Variants in CACNA2D3 observed in about 807,000 individuals in gnomAD.
CACNA2D3 encodes the protein calcium voltage-gated channel auxiliary subunit alpha2delta 3.
A neutral mutation model predicts 160.6 loss-of-function variants in CACNA2D3; 60 were observed. That is an observed-to-expected ratio of 0.37 (90% CI 0.30 to 0.46). The LOEUF (loss-of-function observed/expected upper bound fraction) is 0.46, where lower values mean the gene tolerates loss of function less well. CACNA2D3 is among the 20% of genes least tolerant of loss of function. The probability of loss-of-function intolerance (pLI) is 1.00; values close to 1 mark genes in which losing one functional copy is unlikely to be tolerated. For missense variants in CACNA2D3, 1,205 were observed against 1,365.0 expected (o/e 0.88, Z 1.85); for synonymous variants, 558 against 492.9 (o/e 1.13, Z -1.75).
chr3:54,230,867 G>A (rs1051140021), intron 2 of CACNA2D3, among the ~76,000 whole-genome samples: 1 of 152,124 alleles, frequency 6.6e-6, no homozygotes, highest in African/African-American at 2.4e-5. Flanking sequence ...CTGCTTAATA[G>A]GACAAAATAC....
intron 29 of CACNA2D3, among the ~76,000 whole-genome samples, chr3:54,981,127 A>C (rs895469913): frequency 5.9e-5 from 9 of 152,360 alleles, no homozygotes; most frequent in Admixed American, 5.9e-4. Flanking sequence ...GCACAGTCAC[A>C]TGGTTACAAG....
At chr3:54,227,106 A>G (rs532757201) in intron 2 of CACNA2D3, among the ~76,000 whole-genome samples, 1 of 152,336 alleles carries the variant, frequency 6.6e-6, no homozygotes, top group African/African-American at 2.4e-5. Flanking sequence ...ATGGCAGAAC[A>G]TGTTGATACG....
At chr3:54,404,720 A>G (rs1039885707) in intron 4 of CACNA2D3, among the ~76,000 whole-genome samples, 1 of 152,130 alleles carries the variant, frequency 6.6e-6, no homozygotes, top group East Asian at 1.9e-4. Flanking sequence ...ATGATCCTTT[A>G]TGTAGAAAAC....
chr3:54,733,623 G>C (rs1701436469), intron 11 of CACNA2D3, among the ~76,000 whole-genome samples: 1 of 152,170 alleles, frequency 6.6e-6, no homozygotes, highest in Admixed American at 6.5e-5. Context: ...TCAGGTAACA[G>C]TTGTAGCTAA....
At chr3:54,869,187 CAGTGGTTGAA>C (rs1553896631) in intron 17 of CACNA2D3, among the ~76,000 whole-genome samples, 2 of 152,200 alleles carry the variant, frequency 1.3e-5, no homozygotes, top group Non-Finnish European at 2.9e-5. Flanking sequence ...AGCTCTTTAA[CAGTGGTTGAA>C]ATAACATGAG....
chr3:54,729,168 G>A (rs570938285), intron 11 of CACNA2D3, among the ~76,000 whole-genome samples: 5 of 151,874 alleles, frequency 3.3e-5, no homozygotes, highest in Admixed American at 6.6e-5. Flanking sequence ...TGATCCACCC[G>A]CCTCGGCCTC....
chr3:54,772,008 G>A (rs1702330999), intron 13 of CACNA2D3, among the ~76,000 whole-genome samples: 1 of 151,908 alleles, frequency 6.6e-6, no homozygotes, highest in Non-Finnish European at 1.5e-5. Context: ...TAGCACTGAT[G>A]TTTCCCAGAG....
chr3:54,516,540 C>T (rs929169134), intron 5 of CACNA2D3, among the ~76,000 whole-genome samples: 1 of 152,168 alleles, frequency 6.6e-6, no homozygotes, highest in African/African-American at 2.4e-5. Context: ...CACACTGGTA[C>T]TTTATCATCT....
chr3:55,009,917 C>A (rs1033987412), intron 34 of CACNA2D3, among the ~76,000 whole-genome samples: 2 of 152,108 alleles, frequency 1.3e-5, no homozygotes, highest in African/African-American at 4.8e-5. Flanking sequence ...CTCTTGGAGG[C>A]ATGGGTTGTG....
chr3:54,630,397 A>G (rs1699209580), intron 10 of CACNA2D3, among the ~76,000 whole-genome samples: 1 of 152,060 alleles, frequency 6.6e-6, no homozygotes, highest in African/African-American at 2.4e-5. Context: ...AGACCCTCCT[A>G]AGACACTATT....
At chr3:54,703,813 T>A (rs1179217159) in intron 11 of CACNA2D3, among the ~76,000 whole-genome samples, 1 of 152,188 alleles carries the variant, frequency 6.6e-6, no homozygotes, top group Admixed American at 6.6e-5. Context: ...GATGGTTAGA[T>A]AATGAAACAA....
At chr3:54,180,548 A>C in intron 2 of CACNA2D3, among the ~76,000 whole-genome samples, 1 of 152,202 alleles carries the variant, frequency 6.6e-6, no homozygotes, top group East Asian at 1.9e-4. Context: ...GACTTCCCTT[A>C]GTCCAAGGAG....
intron 9 of CACNA2D3, among the ~76,000 whole-genome samples, chr3:54,604,768 C>A (rs1703134407): frequency 6.6e-6 from 1 of 152,170 alleles, no homozygotes; most frequent in South Asian, 2.1e-4. Context: ...CCCACTTGAT[C>A]CCCAGCATCC....
intron 11 of CACNA2D3, among the ~76,000 whole-genome samples, chr3:54,661,994 T>C (rs1347904442): frequency 6.6e-6 from 1 of 152,138 alleles, no homozygotes; most frequent in Non-Finnish European, 1.5e-5. Flanking sequence ...TTTTCCTTAA[T>C]GACACCATCT....
At chr3:54,523,494 T>C (rs193038301) in intron 5 of CACNA2D3, among the ~76,000 whole-genome samples, 112 of 152,326 alleles carry the variant, frequency 7.4e-4, no homozygotes, top group African/African-American at 2.7e-3. Flanking sequence ...TCTATAGTTT[T>C]CTTGTGATGT....
chr3:54,667,674 G>A (rs564206804), intron 11 of CACNA2D3, among the ~76,000 whole-genome samples: 6 of 152,292 alleles, frequency 3.9e-5, no homozygotes, highest in Middle Eastern at 3.4e-3. Context: ...GTCAGGTGCC[G>A]TGGCTCACGC....
chr3:54,316,761 T>C (rs1172623545), intron 2 of CACNA2D3, among the ~76,000 whole-genome samples: 1 of 152,080 alleles, frequency 6.6e-6, no homozygotes, highest in Non-Finnish European at 1.5e-5. Context: ...AAGAAAAAAG[T>C]GGGATATAGG....
chr3:54,427,259 A>G (rs374740561), intron 4 of CACNA2D3, among the ~76,000 whole-genome samples: 187 of 152,256 alleles, frequency 1.2e-3, no homozygotes, highest in African/African-American at 4.0e-3. Flanking sequence ...ATAAAACACA[A>G]TTTTTGAAAT....
intron 5 of CACNA2D3, among the ~76,000 whole-genome samples, chr3:54,530,357 C>G (rs865907814): frequency 2.6e-5 from 4 of 152,068 alleles, no homozygotes; most frequent in African/African-American, 7.2e-5. Flanking sequence ...TGATGAGCCC[C>G]GTGGAGCTGG....
Sources: gnomAD v4.1 joint callset for allele counts (sites outside exome capture counted in the v4.1 genomes callset) on GRCh38, gnomAD v4.1.1 for gene constraint, MANE v1.5 for transcripts, NCBI Gene and HGNC (gene_info 2026-07-23, HGNC 2026-07-21) for gene names.